STK24: variants seen among roughly 807,000 people sequenced by gnomAD.
The protein encoded by STK24 is serine/threonine kinase 24, also known as serine/threonine-protein kinase 24.
In STK24, 21 loss-of-function variants were observed where a neutral mutation model predicts 55.6. The observed-to-expected ratio is 0.38, with a 90% CI of 0.27 to 0.54. The LOEUF is 0.54. STK24 is among the 20% of genes least tolerant of loss of function. STK24 has a pLI of 0.79. For synonymous variants in STK24, 200 were observed against 215.2 expected (o/e 0.93, Z 0.62); for missense variants, 383 against 538.4 (o/e 0.71, Z 2.86).
At chr13:98,499,930 T>C (rs957653208) in intron 2 of STK24, among the ~76,000 whole-genome samples, 1 of 152,208 alleles carries the variant, frequency 6.6e-6, no homozygotes, top group Non-Finnish European at 1.5e-5. Context: ...ACAGTGTTAA[T>C]CAGAACCCTT....
chr13:98,483,037 C>A (rs1894659323), intron 2 of STK24, among the ~76,000 whole-genome samples: 1 of 152,270 alleles, frequency 6.6e-6, no homozygotes, highest in Admixed American at 6.5e-5. Context: ...GCTACTCAGC[C>A]CTCATGACTT....
chr13:98,547,652 T>A (rs1897060114), intron 1 of STK24, among the ~76,000 whole-genome samples: 1 of 152,244 alleles, frequency 6.6e-6, no homozygotes, highest in Admixed American at 6.5e-5. Context: ...CCAGGATTCC[T>A]GTAATGACAC....
At chr13:98,517,329 G>A (rs1284008474) in intron 2 of STK24, among the ~76,000 whole-genome samples, 1 of 152,144 alleles carries the variant, frequency 6.6e-6, no homozygotes, top group African/African-American at 2.4e-5. Flanking sequence ...GTTTTCAATC[G>A]AAATTTAACA....
In STK24 at chr13:98,475,153, G is replaced by T. The variant is rs1034664109; in HGVS notation, c.439+97C>A. ...CAGCCCAGGCAAGGCAAACGTGCAG[G>T]ACAAATGGGCGCCAGCACCTTCCCT... On this transcript the variant is annotated intron_variant, in intron 4 of 10. Coordinates refer to ENST00000539966, the MANE Select transcript of STK24 (RefSeq NM_001032296.4). The T allele has an allele frequency of 8.6e-6, 12 of 1,399,614 alleles. No homozygotes were observed. The African/African-American group carries it at 1.7e-4, about 20-fold the overall frequency. 86.7% of individuals were successfully genotyped at this position (1,399,614 alleles called of 1,614,324 possible). A position where few individuals can be genotyped will look rare whatever the true frequency, so the allele number is the denominator to read the frequency against.
At chr13:98,476,151 T>G (rs186737720) in intron 3 of STK24, among the ~76,000 whole-genome samples, 41 of 152,114 alleles carry the variant, frequency 2.7e-4, no homozygotes, top group Admixed American at 1.2e-3. Flanking sequence ...CTATATCAGA[T>G]GAAAGGAAGA....
chr13:98,493,172 A>C, intron 2 of STK24, among the ~76,000 whole-genome samples: 1 of 152,204 alleles, frequency 6.6e-6, no homozygotes, highest in East Asian at 1.9e-4. Flanking sequence ...GGCATTCCCT[A>C]AAACATTCTT....
chr13:98,562,691 A>G (rs111846118), intron 1 of STK24, among the ~76,000 whole-genome samples: 2,180 of 152,228 alleles, frequency 0.014, 59 homozygotes, highest in African/African-American at 0.049. Context: ...CAAGGTGGGC[A>G]GATCACGAGG....
chr13:98,552,870 GA>G (rs1178216818), intron 1 of STK24, among the ~76,000 whole-genome samples: 2 of 152,170 alleles, frequency 1.3e-5, no homozygotes, highest in Non-Finnish European at 2.9e-5. Context: ...TATCCTGTAG[GA>G]CGCTCCAGTG....
At chr13:98,464,495 CTTTTTTTTTTT>C (rs551373383) in intron 6 of STK24, among the ~76,000 whole-genome samples, 3 of 106,806 alleles carry the variant, frequency 2.8e-5, no homozygotes, top group African/African-American at 9.9e-5. Context: ...TGTTGTTTAA[CTTTTTTTTTTT>C]TTTTTTTTTG....
At chr13:98,510,741 G>A (rs998130675) in intron 2 of STK24, among the ~76,000 whole-genome samples, 4 of 152,144 alleles carry the variant, frequency 2.6e-5, no homozygotes, top group African/African-American at 7.2e-5. Flanking sequence ...AAGGAGACTC[G>A]GGAATCTGGG....
At chr13:98,525,100 T>C (rs1453859053) in intron 1 of STK24, among the ~76,000 whole-genome samples, 2 of 152,278 alleles carry the variant, frequency 1.3e-5, no homozygotes, top group African/African-American at 4.8e-5. Context: ...TACCATACTG[T>C]GTCCCCCATG....
rs1164573529 is a variant in STK24 at position 98,453,019 on chromosome 13, CTG to C, written c.*152_*153del. The C allele has an allele frequency of 2.4e-5, 17 of 718,926 alleles. No individual in the cohort carries two copies. In the East Asian group the frequency reaches 3.0e-4, roughly 13 times the overall value. The allele number at this position is 718,926 out of a possible 1,614,324, so 44.5% of individuals were successfully genotyped here. A position where few individuals can be genotyped will look rare whatever the true frequency, so the allele number is the denominator to read the frequency against. On this transcript the variant is annotated 3_prime_UTR_variant, in exon 11 of 11. Coordinates refer to ENST00000539966, the MANE Select transcript of STK24 (RefSeq NM_001032296.4). ...TCATCTGGCTGCAGCACAGTGAAGACTGTGTGTGTCCCTGGACGGGCGCCTGG... is the reference window on the plus strand; with the variant it reads ...TCATCTGGCTGCAGCACAGTGAAGACTGTGTGTCCCTGGACGGGCGCCTGG...
chr13:98,461,614 C>T (rs111263017), intron 8 of STK24, among the ~76,000 whole-genome samples, 160 bp downstream of exon 8: 5,607 of 152,216 alleles, frequency 0.037, 330 homozygotes, highest in African/African-American at 0.12. Flanking sequence ...GATCATCAGA[C>T]AGAACTAAAG....
chr13:98,453,296 T>A (rs1238989618), intron 10 of STK24, 87 bp from the exon 11 acceptor site: 14 of 1,377,256 alleles, frequency 1.0e-5, no homozygotes, highest in East Asian at 2.4e-5. Flanking sequence ...ATCTTAGTTT[T>A]CATAAGAAAT....
chr13:98,574,412 C>T (rs1271164437), intron 1 of STK24, among the ~76,000 whole-genome samples: 1 of 152,202 alleles, frequency 6.6e-6, no homozygotes, highest in African/African-American at 2.4e-5. Flanking sequence ...TCCCATTTAG[C>T]AGACAACAGT....
chr13:98,482,276 C>T lies in STK24; in HGVS notation c.319G>A (p.Ala107Thr), dbSNP rs367740523. 16 of 1,567,254 alleles carry T rather than the reference C, an allele frequency of 1.0e-5. No homozygotes were observed. Among genetic ancestry groups the T allele is most frequent in the African/African-American group, 1.4e-5 (1 of 72,496 alleles). Residue 107 changes from alanine (A) to threonine (T), a missense_variant, in exon 3 of 11, where the codon GCA (alanine) becomes ACA (threonine). Physicochemically the swap from Ala to Thr is moderately conservative, Grantham distance 58. Transcript: ENST00000539966. ...AACATAATACTTACTAGATCTAGTGCGGAGCCTCCACCAAGATATTCCATT... is the reference window on the plus strand; with the variant it reads ...AACATAATACTTACTAGATCTAGTGTGGAGCCTCCACCAAGATATTCCATT... ...IIMEYLGGGS[A>T]LDLLEPGPLD...
chr13:98,559,466 C>A (rs1229676527), intron 1 of STK24, among the ~76,000 whole-genome samples: 2 of 152,130 alleles, frequency 1.3e-5, no homozygotes, highest in Non-Finnish European at 2.9e-5. Flanking sequence ...TGAGGCCTCC[C>A]CAACCATGTG....
intron 6 of STK24, among the ~76,000 whole-genome samples, chr13:98,464,239 A>G (rs1421788581): frequency 4.6e-5 from 7 of 151,850 alleles, no homozygotes; most frequent in Admixed American, 3.3e-4. Context: ...AACATGGTGA[A>G]ACCCCGTCTT....
At chr13:98,474,281 G>A (rs1894279018) in intron 5 of STK24, among the ~76,000 whole-genome samples, 1 of 152,148 alleles carries the variant, frequency 6.6e-6, no homozygotes, top group South Asian at 2.1e-4. Context: ...GGACAGGCTG[G>A]GAACGAGAAT....
Sources: gnomAD v4.1 joint callset for allele counts (sites outside exome capture counted in the v4.1 genomes callset) on GRCh38, gnomAD v4.1.1 for gene constraint, MANE v1.5 for transcripts, NCBI Gene and HGNC (gene_info 2026-07-23, HGNC 2026-07-21) for gene names.